The following FEM1A variants were observed in gnomAD, a reference collection of about 807,000 sequenced individuals.
The protein encoded by FEM1A is protein fem-1 homolog A.
Under a neutral mutation model 0.7 loss-of-function variants are expected in FEM1A, and 1 was observed. The ratio of observed to expected loss-of-function variants is 1.35; its 90% CI spans 0.48 to 6.40. The LOEUF is 6.40. Ranked by LOEUF, FEM1A falls within the 30% of genes most tolerant of loss-of-function variation. FEM1A has a pLI of 0.14. For synonymous variants in FEM1A, 391 were observed against 420.6 expected (o/e 0.93, Z 0.86); for missense variants, 721 against 918.7 (o/e 0.78, Z 2.78).
rs2093567508 is a variant in FEM1A, at chr19:4,800,648, T to G, written c.*6784T>G. On this transcript the variant is annotated 3_prime_UTR_variant, in exon 1 of 1. Coordinates refer to ENST00000269856, the MANE Select transcript of FEM1A (RefSeq NM_018708.3). ...AACGAGTTGGGAATTCACATCCTCC[T>G]CTGACTACTTGGGGCAGCAGCAGGG... 1 of 152,390 alleles carries G rather than the reference T, an allele frequency of 6.6e-6. No individual in the cohort carries two copies. Among genetic ancestry groups the G allele is most frequent in the Non-Finnish European group, 1.5e-5 (1 of 68,206 alleles). The allele number at this position is 152,390 out of a possible 1,614,324, so 9.4% of individuals were successfully genotyped here.
chr19:4,798,009 C>T lies in FEM1A; in HGVS notation c.*4145C>T, dbSNP rs74172660. On this transcript the variant is annotated 3_prime_UTR_variant, in exon 1 of 1. Coordinates refer to ENST00000269856, the MANE Select transcript of FEM1A (RefSeq NM_018708.3). ...CAGCACTTTGGGAGGCCAAGGCGGG[C>T]GGATCACGAGGTCAGGAGATCGAGA... 18,453 of 150,082 alleles carry T rather than the reference C, an allele frequency of 0.12. 1,426 individuals carry two copies. Among genetic ancestry groups the T allele is most frequent in the Non-Finnish European group, 0.18 (12,029 of 67,320 alleles). 9.3% of individuals were successfully genotyped at this position (150,082 alleles called of 1,614,324 possible). A position where few individuals can be genotyped will look rare whatever the true frequency, so the allele number is the denominator to read the frequency against.
rs1398363096 is a variant in FEM1A at position 4,797,082 on chromosome 19, A to C, written c.*3218A>C. 6.6e-6 allele frequency: 1 copy of C among 151,908 alleles called. No homozygotes were observed. The highest frequency in any genetic ancestry group is 1.5e-5 in the Non-Finnish European group (1 of 67,986). 9.4% of individuals were successfully genotyped at this position (151,908 alleles called of 1,614,324 possible). On this transcript the variant is annotated 3_prime_UTR_variant, in exon 1 of 1. Transcript: ENST00000269856. ...TTACACAACAGCCCTCTAAAGGAGG[A>C]AAAACATATCAGAGTCCCATGGATG... is the stretch of plus-strand genomic sequence containing the variant.
Position 4,792,730 on chromosome 19 carries a change from C to T in FEM1A, c.876C>T (p.Thr292=). 1 of 1,612,086 alleles carries T rather than the reference C, an allele frequency of 6.2e-7. No individual in the cohort carries two copies. Among genetic ancestry groups the T allele is most frequent in the Non-Finnish European group, 8.5e-7 (1 of 1,179,874 alleles). ...NGESYESCCP[T]SREAAVEALE... ...AATCTTACGAAAGCTGCTGTCCCAC[C>T]AGCCGGGAAGCTGCCGTGGAAGCCT... The change falls in exon 1 of 1, where the codon ACC becomes ACT. Residue 292 remains threonine (T), a synonymous_variant. Coordinates refer to ENST00000269856, the MANE Select transcript of FEM1A (RefSeq NM_018708.3). This position sits in a 1 kb window ranked among gnomAD's most constrained non-coding sequence, Gnocchi z 6.7.
At position 4,799,904 on chromosome 19, in the gene FEM1A, C is replaced by CAAAAAGAAAAAAAAAAAAAAAA. The variant is rs2093566290; in HGVS notation, c.*6045_*6046insGAAAAAAAAAAAAAAAAAAAAA. ...TGGGTGACATAGCAAGACTCTGTCTCAAAAAAAAAAAAAAAAAAAAAAAAA... is the reference window on the plus strand; with the variant it reads ...TGGGTGACATAGCAAGACTCTGTCTCAAAAAGAAAAAAAAAAAAAAAAAAAAAAAAAAAAAAAAAAAAAAAAA... On this transcript the variant is annotated 3_prime_UTR_variant, in exon 1 of 1. Transcript: ENST00000269856. 4.0e-5 allele frequency: 1 copy of CAAAAAGAAAAAAAAAAAAAAAA among 25,072 alleles called. No homozygotes were observed. 1.6% of individuals were successfully genotyped at this position (25,072 alleles called of 1,614,324 possible). A position where few individuals can be genotyped will look rare whatever the true frequency, so the allele number is the denominator to read the frequency against.
Position 4,791,738 on chromosome 19 carries a change from A to G in FEM1A, c.-117A>G. Reference sequence around the variant, plus strand: ...GGCAGCCATTTTGTTCCGCCCGAGGAGACCCTAAGATGGCGGCGAGGGGGA... The same window carrying G: ...GGCAGCCATTTTGTTCCGCCCGAGGGGACCCTAAGATGGCGGCGAGGGGGA... On this transcript the variant is annotated 5_prime_UTR_variant, in exon 1 of 1. Coordinates refer to ENST00000269856, the MANE Select transcript of FEM1A (RefSeq NM_018708.3). 2.8e-6 allele frequency: 3 copies of G among 1,089,356 alleles called. No individual in the cohort carries two copies. Among genetic ancestry groups the G allele is most frequent in the South Asian group, 1.8e-5 (1 of 54,414 alleles). The allele number at this position is 1,089,356 out of a possible 1,614,324, so 67.5% of individuals were successfully genotyped here.
In FEM1A at chr19:4,792,607, TG is replaced by T; in HGVS notation, c.756del (p.Leu253CysfsTer29). ...EQVAGGEAQP[G>X]LPQEDPSTSQ... ...AGGTCGCAGGGGGAGAGGCTCAGCC[TG>T]GGCTGCCCCAAGAAGACCCCTCCAC... On this transcript the variant is annotated frameshift_variant, in exon 1 of 1. Transcript: ENST00000269856. LOFTEE classifies it low-confidence loss of function (END_TRUNC). The surrounding 1 kb of genome is among the most constrained non-coding windows in gnomAD (Gnocchi z 6.7). The T allele has an allele frequency of 6.2e-7, 1 of 1,611,202 alleles. No homozygotes were observed. Among genetic ancestry groups the T allele is most frequent in the Non-Finnish European group, 8.5e-7 (1 of 1,179,690 alleles).
At position 4,793,884 on chromosome 19, in the gene FEM1A, C is replaced by G. The variant is rs2146150055; in HGVS notation, c.*20C>G. The G allele has an allele frequency of 6.3e-7, 1 of 1,578,272 alleles. No individual in the cohort carries two copies. Among genetic ancestry groups the G allele is most frequent in the Admixed American group, 1.8e-5 (1 of 54,654 alleles). Reference sequence around the variant, plus strand: ...CACTGACCTGCCCAGAACGCCTGCACCCTCACCTCTCCCCTCTCCTGCTGA... The same window carrying G: ...CACTGACCTGCCCAGAACGCCTGCAGCCTCACCTCTCCCCTCTCCTGCTGA... On this transcript the variant is annotated 3_prime_UTR_variant, in exon 1 of 1. Transcript: ENST00000269856. This position sits in a 1 kb window ranked among gnomAD's most constrained non-coding sequence, Gnocchi z 5.1.
chr19:4,793,568 G>T lies in FEM1A; in HGVS notation c.1714G>T (p.Ala572Ser). Residue 572 changes from alanine to serine, a missense_variant, in exon 1 of 1, where the codon GCC (alanine) becomes TCC (serine). By Grantham distance (99) the Ala-to-Ser change is moderately conservative (BLOSUM62 1). This residue lies in a region of FEM1A where 379 missense variants were observed against 454.8 expected (regional missense o/e 0.83). Transcript: ENST00000269856. The surrounding 1 kb of genome is among the most constrained non-coding windows in gnomAD (Gnocchi z 5.1). ...GGTCAAAGTGCTGCTCGACTGCGGGGCCGACCCGGACAGCAGGGATTTTGA... is the reference window on the plus strand; with the variant it reads ...GGTCAAAGTGCTGCTCGACTGCGGGTCCGACCCGGACAGCAGGGATTTTGA... ...HVVKVLLDCG[A>S]DPDSRDFDNN... The T allele has an allele frequency of 6.2e-7, 1 of 1,612,952 alleles. No individual in the cohort carries two copies. Among genetic ancestry groups the T allele is most frequent in the Non-Finnish European group, 8.5e-7 (1 of 1,179,862 alleles).
chr19:4,792,985 C>G lies in FEM1A; in HGVS notation c.1131C>G (p.Ile377Met). The G allele has an allele frequency of 6.2e-7, 1 of 1,612,984 alleles. No individual in the cohort carries two copies. Among genetic ancestry groups the G allele is most frequent in the Non-Finnish European group, 8.5e-7 (1 of 1,180,004 alleles). The change falls in exon 1 of 1, where the codon ATC (isoleucine) becomes ATG (methionine). Residue 377 changes from isoleucine to methionine, a missense_variant. Transcript: ENST00000269856. This position sits in a 1 kb window ranked among gnomAD's most constrained non-coding sequence, Gnocchi z 6.7. ...AGATGCGCATGCAGGCCCTGTTGAT[C>G]CGGGAGCGCATCCTCGGTCCCTCGC... The part of the protein sequence containing the change: ...PDEMRMQALL[I>M]RERILGPSHP...
rs1032687391 is a variant in FEM1A at position 4,792,850 on chromosome 19, G to T, written c.996G>T (p.Gly332=). 1 of 1,612,184 alleles carries T rather than the reference G, an allele frequency of 6.2e-7. No individual in the cohort carries two copies. The highest frequency in any genetic ancestry group is 1.3e-5 in the African/African-American group (1 of 74,974). ...GGGCCATGGAGCTGCGTCACCAGGGGGGCGAGTACCTGCCCAAACCGGAGC... is the reference window on the plus strand; with the variant it reads ...GGGCCATGGAGCTGCGTCACCAGGGTGGCGAGTACCTGCCCAAACCGGAGC... ...WRRAMELRHQ[G]GEYLPKPEPP... Residue 332 remains glycine, a synonymous_variant, in exon 1 of 1, where the codon GGG becomes GGT. Coordinates refer to ENST00000269856, the MANE Select transcript of FEM1A (RefSeq NM_018708.3). The surrounding 1 kb of genome is among the most constrained non-coding windows in gnomAD (Gnocchi z 6.7).
Position 4,791,852 on chromosome 19 carries a change from A to T in FEM1A, c.-3A>T. 1 of 1,503,858 alleles carries T rather than the reference A, an allele frequency of 6.6e-7. No homozygotes were observed. Among genetic ancestry groups the T allele is most frequent in the Non-Finnish European group, 8.8e-7 (1 of 1,130,846 alleles). The allele number at this position is 1,503,858 out of a possible 1,614,324, so 93.2% of individuals were successfully genotyped here. On this transcript the variant is annotated 5_prime_UTR_variant, in exon 1 of 1. Coordinates refer to ENST00000269856, the MANE Select transcript of FEM1A (RefSeq NM_018708.3). ...GGCCCATGGCCTGGCGGAGGCCCGA[A>T]CCATGGACCTCCGCACCGCCGTGTA...
At position 4,793,289 on chromosome 19, in the gene FEM1A, C is replaced by A. The variant is rs1241965951; in HGVS notation, c.1435C>A (p.Leu479Met). Residue 479 changes from leucine (L) to methionine (M), a missense_variant, in exon 1 of 1, where the codon CTG becomes ATG. Physicochemically the swap from Leu to Met is conservative, Grantham distance 15. Around this residue, in one of 4 missense-constraint regions of FEM1A, gnomAD observed 379 missense variants for 454.8 expected, o/e 0.83. Transcript: ENST00000269856. The surrounding 1 kb of genome is among the most constrained non-coding windows in gnomAD (Gnocchi z 5.1). Reference protein sequence around the residue: ...TKGVREVERALQLPREPGDSA... With the variant: ...TKGVREVERAMQLPREPGDSA... ...AGGGGTCCGGGAAGTGGAACGGGCC[C>A]TGCAGCTGCCCAGGGAGCCCGGAGA... 3.1e-6 allele frequency: 5 copies of A among 1,613,028 alleles called. No individual in the cohort carries two copies. Among genetic ancestry groups the A allele is most frequent in the Admixed American group, 3.3e-5 (2 of 59,988 alleles).
rs990133169 is a variant in FEM1A, at chr19:4,799,296, C to T, written c.*5432C>T. 2.0e-5 allele frequency: 3 copies of T among 152,226 alleles called. No homozygotes were observed. Among genetic ancestry groups the T allele is most frequent in the Non-Finnish European group, 4.4e-5 (3 of 68,182 alleles). The allele number at this position is 152,226 out of a possible 1,614,324, so 9.4% of individuals were successfully genotyped here. The stretch of plus-strand genomic sequence containing the variant: ...AGGCACGGTGGCAGGCACCTGTAAT[C>T]CCAGCTACTTGGGAGGCTGAGGAAG... On this transcript the variant is annotated 3_prime_UTR_variant, in exon 1 of 1. Transcript: ENST00000269856.
rs1226015224 is a variant in FEM1A, at chr19:4,793,674, T to C, written c.1820T>C (p.Met607Thr). The C allele has an allele frequency of 6.2e-6, 10 of 1,613,020 alleles. No individual in the cohort carries two copies. The highest frequency in any genetic ancestry group is 8.5e-6 in the Non-Finnish European group (10 of 1,179,828). Reference sequence around the variant, plus strand: ...GCCCTGATCGAAGCAGGGGCCCACATGGACGCCACCAATGCCTTCAAGAAG... The same window carrying C: ...GCCCTGATCGAAGCAGGGGCCCACACGGACGCCACCAATGCCTTCAAGAAG... Reference protein sequence around the residue: ...MNALIEAGAHMDATNAFKKTA... With the variant: ...MNALIEAGAHTDATNAFKKTA... Residue 607 changes from methionine (M) to threonine (T), a missense_variant, in exon 1 of 1, where the codon ATG becomes ACG. Physicochemically the swap from Met to Thr is moderately conservative, Grantham distance 81 (BLOSUM62 -1). Transcript: ENST00000269856. This position sits in a 1 kb window ranked among gnomAD's most constrained non-coding sequence, Gnocchi z 5.1.
At position 4,793,224 on chromosome 19, in the gene FEM1A, C is replaced by T. The variant is rs759044525; in HGVS notation, c.1370C>T (p.Thr457Ile). 5 of 1,613,336 alleles carry T rather than the reference C, an allele frequency of 3.1e-6. No individual in the cohort carries two copies. Among genetic ancestry groups the T allele is most frequent in the Admixed American group, 1.7e-5 (1 of 59,974 alleles). Reference sequence around the variant, plus strand: ...CGGGCCGCCAAAGGCAGCCTGGGCACCCAGATCGGCTTTGCAGACCTCATG... The same window carrying T: ...CGGGCCGCCAAAGGCAGCCTGGGCATCCAGATCGGCTTTGCAGACCTCATG... ...QDRAAKGSLG[T>I]QIGFADLMGV... The change falls in exon 1 of 1, where the codon ACC becomes ATC. Residue 457 changes from threonine to isoleucine, a missense_variant. Coordinates refer to ENST00000269856, the MANE Select transcript of FEM1A (RefSeq NM_018708.3). The surrounding 1 kb of genome is among the most constrained non-coding windows in gnomAD (Gnocchi z 5.1).
Position 4,799,417 on chromosome 19 carries a change from AC to A in FEM1A, c.*5554del, listed in dbSNP as rs1235813331. 3.1e-4 allele frequency: 47 copies of A among 150,194 alleles called. No individual in the cohort carries two copies. Among genetic ancestry groups the A allele is most frequent in the African/African-American group, 6.6e-4 (24 of 36,334 alleles). 9.3% of individuals were successfully genotyped at this position (150,194 alleles called of 1,614,324 possible). On this transcript the variant is annotated 3_prime_UTR_variant, in exon 1 of 1. Coordinates refer to ENST00000269856, the MANE Select transcript of FEM1A (RefSeq NM_018708.3). ...CAACAGAGCAAGACTCTGTCTCAAAACAAAACAAAACAAACAAACAAACAAA... is the reference window on the plus strand; with the variant it reads ...CAACAGAGCAAGACTCTGTCTCAAAAAAAACAAAACAAACAAACAAACAAA...
At position 4,796,839 on chromosome 19, in the gene FEM1A, T is replaced by A. The variant is rs754037456; in HGVS notation, c.*2975T>A. The A allele has an allele frequency of 6.6e-6, 1 of 152,318 alleles. No individual in the cohort carries two copies. Among genetic ancestry groups the A allele is most frequent in the Non-Finnish European group, 1.5e-5 (1 of 68,122 alleles). 9.4% of individuals were successfully genotyped at this position (152,318 alleles called of 1,614,324 possible). The stretch of plus-strand genomic sequence containing the variant: ...GGGTGGGTGTCTCCCATCTCTTGCC[T>A]TCACACACCTGCTGTCTTGTTTCAT... On this transcript the variant is annotated 3_prime_UTR_variant, in exon 1 of 1. Coordinates refer to ENST00000269856, the MANE Select transcript of FEM1A (RefSeq NM_018708.3).
chr19:4,792,933 T>C lies in FEM1A; in HGVS notation c.1079T>C (p.Leu360Pro). 1 of 1,612,188 alleles carries C rather than the reference T, an allele frequency of 6.2e-7. No individual in the cohort carries two copies. Among genetic ancestry groups the C allele is most frequent in the Non-Finnish European group, 8.5e-7 (1 of 1,179,714 alleles). The change falls in exon 1 of 1, where the codon CTG becomes CCG. Residue 360 changes from leucine to proline, a missense_variant. Coordinates refer to ENST00000269856, the MANE Select transcript of FEM1A (RefSeq NM_018708.3). This position sits in a 1 kb window ranked among gnomAD's most constrained non-coding sequence, Gnocchi z 6.7. ...AGGGAGGTCAACACCACCGAGGAGC[T>C]GGAGGCGCTGATCACCGACCCGGAT... ...YSREVNTTEE[L>P]EALITDPDEM...
Position 4,791,859 on chromosome 19 carries a change from A to T in FEM1A, c.5A>T (p.Asp2Val). The T allele has an allele frequency of 6.6e-7, 1 of 1,505,872 alleles. No homozygotes were observed. Among genetic ancestry groups the T allele is most frequent in the South Asian group, 1.2e-5 (1 of 81,506 alleles). 93.3% of individuals were successfully genotyped at this position (1,505,872 alleles called of 1,614,324 possible). A position where few individuals can be genotyped will look rare whatever the true frequency, so the allele number is the denominator to read the frequency against. The change falls in exon 1 of 1, where the codon GAC (aspartate) becomes GTC (valine). Residue 2 changes from aspartate (D) to valine (V), a missense_variant. Transcript: ENST00000269856. Reference protein sequence around the residue: MDLRTAVYNAAR... With the variant: MVLRTAVYNAAR... ...GGCCTGGCGGAGGCCCGAACCATGG[A>T]CCTCCGCACCGCCGTGTACAACGCC...
Sources: gnomAD v4.1 joint callset for allele counts on GRCh38, gnomAD v4.1.1 for gene constraint, gnomAD v4.1.1 regional missense constraint, Gnocchi (gnomAD v3.1) non-coding constraint, MANE v1.5 for transcripts, NCBI Gene and HGNC (gene_info 2026-07-23, HGNC 2026-07-21) for gene names.